The following PLA2G4A variants were observed in gnomAD, a reference collection of about 807,000 sequenced individuals.
The protein encoded by PLA2G4A is cytosolic phospholipase A2.
PLA2G4A carries 40 observed loss-of-function variants against 81.9 expected under a neutral mutation model. The ratio of observed to expected loss-of-function variants is 0.49; its 90% CI spans 0.38 to 0.64. PLA2G4A has a LOEUF of 0.64. Among genes scored for constraint, PLA2G4A ranks in the 30% least tolerant of loss-of-function variants. The pLI is 0.00. For synonymous variants in PLA2G4A, 302 were observed against 296.9 expected, an observed-to-expected ratio of 1.02 and a Z score of -0.18; for missense variants, 715 against 905.1, an observed-to-expected ratio of 0.79 and a Z score of 2.69.
chr1:186,983,304 G>A (rs190493284), intron 17 of PLA2G4A, among the ~76,000 whole-genome samples: 5 of 152,180 alleles, frequency 3.3e-5, no homozygotes, highest in Admixed American at 2.0e-4. Flanking sequence ...ACGGTGGATG[G>A]ACATTGTGAA....
chr1:186,946,730 C>G lies in PLA2G4A; in HGVS notation c.1127C>G (p.Thr376Arg), dbSNP rs1656359417. 6.2e-7 allele frequency: 1 copy of G among 1,611,946 alleles called. No homozygotes were observed. Residue 376 changes from threonine (T) to arginine (R), a missense_variant, in exon 11 of 18, where the codon ACA becomes AGA. Thr to Arg is a moderately conservative substitution (Grantham distance 71, BLOSUM62 -1). Coordinates refer to ENST00000367466, the MANE Select transcript of PLA2G4A (RefSeq NM_024420.3). Reference sequence around the variant, plus strand: ...TTTGGAAGCAAATTTTTTATGGGAACAGTCGTTAAGAAGTATGAAGAAAAC... The same window carrying G: ...TTTGGAAGCAAATTTTTTATGGGAAGAGTCGTTAAGAAGTATGAAGAAAAC... ...DLFGSKFFMG[T>R]VVKKYEENPL...
intron 14 of PLA2G4A, 131 bp from the exon 15 acceptor site, chr1:186,965,278 C>G (rs1657091226): frequency 1.4e-6 from 1 of 703,900 alleles, no homozygotes; most frequent in Non-Finnish European, 2.5e-6. Context: ...TCATGCCCAG[C>G]TCTATTTGTC....
intron 8 of PLA2G4A, among the ~76,000 whole-genome samples, chr1:186,936,090 A>G (rs886603958): frequency 6.6e-6 from 1 of 151,950 alleles, no homozygotes; most frequent in Non-Finnish European, 1.5e-5. Flanking sequence ...GTTCTTTTAT[A>G]GCATTGTAAG....
At chr1:186,842,269 C>T (rs543330413) in intron 1 of PLA2G4A, among the ~76,000 whole-genome samples, 15 of 152,028 alleles carry the variant, frequency 9.9e-5, no homozygotes, top group Non-Finnish European at 2.2e-4. Context: ...TCTCAAATTC[C>T]TGAGCTCAGA....
In PLA2G4A at chr1:186,861,965, T is replaced by G. The variant is rs1037529543; in HGVS notation, c.33+7578T>G. Among the ~76,000 whole-genome samples, 3 of 149,328 alleles carry G rather than the reference T, an allele frequency of 2.0e-5. No homozygotes were observed. In the East Asian group the frequency reaches 5.8e-4, roughly 29 times the overall value. Reference sequence around the variant, plus strand: ...ATTTAGTGTATAATATTAAGTAAAATAATATATTTAATTTATATATAATTA... The same window carrying G: ...ATTTAGTGTATAATATTAAGTAAAAGAATATATTTAATTTATATATAATTA... On this transcript the variant is annotated intron_variant, in intron 2 of 17. Coordinates refer to ENST00000367466, the MANE Select transcript of PLA2G4A (RefSeq NM_024420.3).
intron 12 of PLA2G4A, among the ~76,000 whole-genome samples, chr1:186,948,469 CTT>C (rs1448083425): frequency 6.6e-6 from 1 of 150,724 alleles, no homozygotes; most frequent in African/African-American, 2.5e-5. Flanking sequence ...GTTCCCAACT[CTT>C]TGTGGAAATA....
chr1:186,926,912 G>A (rs1340826006), intron 7 of PLA2G4A, among the ~76,000 whole-genome samples: 2 of 152,250 alleles, frequency 1.3e-5, no homozygotes, highest in African/African-American at 2.4e-5. Flanking sequence ...AACACTCGTG[G>A]TCAATAATTG....
intron 1 of PLA2G4A, among the ~76,000 whole-genome samples, chr1:186,838,674 T>G (rs1651874613): frequency 6.6e-6 from 1 of 152,206 alleles, no homozygotes; most frequent in South Asian, 2.1e-4. Flanking sequence ...GCTGTTGTCC[T>G]TTGAAGTTCT....
intron 1 of PLA2G4A, among the ~76,000 whole-genome samples, chr1:186,851,227 A>G (rs968249208): frequency 4.3e-4 from 65 of 152,118 alleles, no homozygotes; most frequent in African/African-American, 1.4e-3. Flanking sequence ...CTGTCCTAGC[A>G]TTGTCCTACA....
intron 1 of PLA2G4A, among the ~76,000 whole-genome samples, chr1:186,837,292 G>A (rs1164890737): frequency 6.6e-6 from 1 of 152,142 alleles, no homozygotes; most frequent in Non-Finnish European, 1.5e-5. Flanking sequence ...AGGATAGCTG[G>A]CTCCTGGATA....
chr1:186,936,859 A>G lies in PLA2G4A; in HGVS notation c.696-2149A>G, dbSNP rs2102213155. ...GGCAAATATTTCCAGATTTTTATAT[A>G]AATAAACCTAAGTCCCTTTCACTCA... is the stretch of plus-strand genomic sequence containing the variant. On this transcript the variant is annotated intron_variant, in intron 8 of 17. Transcript: ENST00000367466. 1.3e-5 allele frequency among the ~76,000 whole-genome samples: 2 copies of G among 152,054 alleles called. 1 individual carries two copies. The highest frequency in any genetic ancestry group is 3.9e-4 in the East Asian group (2 of 5,184).
chr1:186,864,310 A>T (rs1263410656), intron 2 of PLA2G4A, among the ~76,000 whole-genome samples: 1 of 152,058 alleles, frequency 6.6e-6, no homozygotes, highest in Non-Finnish European at 1.5e-5. Context: ...CTTTAGATAT[A>T]TGCCCAATAG....
At chr1:186,943,910 G>A (rs1321872768) in intron 10 of PLA2G4A, among the ~76,000 whole-genome samples, 1 of 152,152 alleles carries the variant, frequency 6.6e-6, no homozygotes, top group Non-Finnish European at 1.5e-5. Context: ...TTTATGTAGT[G>A]TTTTTGAAAA....
chr1:186,849,981 T>G (rs1173613487), intron 1 of PLA2G4A, among the ~76,000 whole-genome samples: 1 of 152,086 alleles, frequency 6.6e-6, no homozygotes, highest in Non-Finnish European at 1.5e-5. Flanking sequence ...AAAACCAGTA[T>G]GGCTTTAGCA....
Position 186,900,519 on chromosome 1 carries a change from A to T in PLA2G4A, c.378+6308A>T, listed in dbSNP as rs78520159. 6.1e-3 allele frequency among the ~76,000 whole-genome samples: 928 copies of T among 152,272 alleles called. 15 individuals are homozygous for T. The highest frequency in any genetic ancestry group is 0.022 in the African/African-American group (900 of 41,560). ...AAATGAACTTGTTATTTAAATACTAAATGTAGAGCTTATCAATGCAGTGAT... is the reference window on the plus strand; with the variant it reads ...AAATGAACTTGTTATTTAAATACTATATGTAGAGCTTATCAATGCAGTGAT... On this transcript the variant is annotated intron_variant, in intron 5 of 17. Transcript: ENST00000367466.
At chr1:186,874,718 G>C (rs1653406794) in intron 3 of PLA2G4A, among the ~76,000 whole-genome samples, 1 of 151,950 alleles carries the variant, frequency 6.6e-6, no homozygotes, top group African/African-American at 2.4e-5. Flanking sequence ...AGTGTTTAAT[G>C]CTCACATTTA....
Position 186,956,337 on chromosome 1 carries a change from T to C in PLA2G4A, c.1572T>C (p.Ala524=), listed in dbSNP as rs763793630. The C allele has an allele frequency of 1.2e-6, 2 of 1,613,706 alleles. No homozygotes were observed. Among genetic ancestry groups the C allele is most frequent in the South Asian group, 1.1e-5 (1 of 91,070 alleles). ...TTGATGATGATGAACTGGATGCAGCTGTAGCAGGTAAGTGTACAAATATAA... is the reference window on the plus strand; with the variant it reads ...TTGATGATGATGAACTGGATGCAGCCGTAGCAGGTAAGTGTACAAATATAA... ...DSFDDDELDA[A]VADPDEFERI... The change falls in exon 14 of 18, where the codon GCT becomes GCC. Residue 524 remains alanine (A), a synonymous_variant. Transcript: ENST00000367466.
At chr1:186,906,702 G>A (rs1211462332) in intron 5 of PLA2G4A, among the ~76,000 whole-genome samples, 1 of 152,138 alleles carries the variant, frequency 6.6e-6, no homozygotes, top group Non-Finnish European at 1.5e-5. Flanking sequence ...TTTACTGAGG[G>A]AGGAAAACAA....
chr1:186,943,239 C>A (rs1656220804), intron 10 of PLA2G4A, among the ~76,000 whole-genome samples: 1 of 152,146 alleles, frequency 6.6e-6, no homozygotes, highest in Non-Finnish European at 1.5e-5. Flanking sequence ...TTAGAAATTT[C>A]TTGGAAATTT....
Sources: gnomAD v4.1 joint callset for allele counts (sites outside exome capture counted in the v4.1 genomes callset) on GRCh38, gnomAD v4.1.1 for gene constraint, MANE v1.5 for transcripts, NCBI Gene and HGNC (gene_info 2026-07-23, HGNC 2026-07-21) for gene names.